Variants in BTBD1 observed in about 807,000 individuals in gnomAD.
The protein encoded by BTBD1 is BTB/POZ domain-containing protein 1.
A neutral mutation model predicts 48.0 loss-of-function variants in BTBD1; 34 were observed. That is an observed-to-expected ratio of 0.71 (90% CI 0.54 to 0.94). The LOEUF (loss-of-function observed/expected upper bound fraction) is 0.94, where lower values mean the gene tolerates loss of function less well. Among genes scored for constraint, BTBD1 ranks in the 40% least tolerant of loss-of-function variants. BTBD1 has a pLI of 0.00. For missense variants in BTBD1, 543 were observed against 625.6 expected, an observed-to-expected ratio of 0.87 and a Z score of 1.41; for synonymous variants, 261 against 242.1, an observed-to-expected ratio of 1.08 and a Z score of -0.72.
At chr15:83,060,875 A>G (rs1227117729) in intron 1 of BTBD1, among the ~76,000 whole-genome samples, 3 of 152,222 alleles carry the variant, frequency 2.0e-5, no homozygotes, top group African/African-American at 7.2e-5. Context: ...ATCACAAGAT[A>G]TGTGTAAGAA....
chr15:83,026,011 C>T (rs1042314940), intron 5 of BTBD1, among the ~76,000 whole-genome samples: 3 of 152,180 alleles, frequency 2.0e-5, no homozygotes, highest in East Asian at 1.9e-4. Context: ...CCTTGTGATC[C>T]GCCCGCCTCA....
chr15:83,043,874 T>C (rs1268948814), intron 3 of BTBD1, among the ~76,000 whole-genome samples: 2 of 152,210 alleles, frequency 1.3e-5, no homozygotes, highest in Admixed American at 1.3e-4. Flanking sequence ...ATAAACGTCA[T>C]GCCTGTACCT....
chr15:83,018,504 A>C (rs1156816782), intron 7 of BTBD1, among the ~76,000 whole-genome samples: 1 of 152,244 alleles, frequency 6.6e-6, no homozygotes, highest in African/African-American at 2.4e-5. Flanking sequence ...ACAAAGGGCT[A>C]CTTCTTAAGA....
At chr15:83,049,246 C>T (rs565435480) in intron 3 of BTBD1, among the ~76,000 whole-genome samples, 6 of 152,210 alleles carry the variant, frequency 3.9e-5, no homozygotes, top group Admixed American at 1.3e-4. Flanking sequence ...GAGGCCATTT[C>T]GACACACCAA....
At chr15:83,044,561 T>C in intron 3 of BTBD1, 4 of 1,598,160 alleles carry the variant, frequency 2.5e-6, no homozygotes, top group Admixed American at 1.7e-5. Flanking sequence ...CACAGTTTTC[T>C]TGTACCCTGG....
chr15:83,021,636 C>A (rs1470021257), intron 5 of BTBD1, among the ~76,000 whole-genome samples: 2 of 152,000 alleles, frequency 1.3e-5, no homozygotes, highest in African/African-American at 4.8e-5. Context: ...CACCTGTAAT[C>A]CCAGCTACTA....
At chr15:83,054,708 C>T (rs1436577470) in intron 2 of BTBD1, among the ~76,000 whole-genome samples, 4 of 151,814 alleles carry the variant, frequency 2.6e-5, no homozygotes, top group African/African-American at 2.4e-5. Context: ...ACTACAGGCA[C>T]GTGCCATCAC....
At chr15:83,039,828 T>C (rs189301679) in intron 4 of BTBD1, among the ~76,000 whole-genome samples, 18 of 134,564 alleles carry the variant, frequency 1.3e-4, no homozygotes, top group East Asian at 6.6e-4. Context: ...CCAAAAAACA[T>C]AGAACTACCA....
rs775222265 is a variant in BTBD1 at position 83,018,032 on chromosome 15, G to A, written c.*35C>T. On this transcript the variant is annotated 3_prime_UTR_variant, in exon 8 of 8. Transcript: ENST00000261721. ...TTATGTTTTTGACACTAGATTGTATGGTATTATTTAGCCAAGATGTATTAT... is the reference window on the plus strand; with the variant it reads ...TTATGTTTTTGACACTAGATTGTATAGTATTATTTAGCCAAGATGTATTAT... 7.0e-7 allele frequency: 1 copy of A among 1,432,836 alleles called. No individual in the cohort carries two copies. Among genetic ancestry groups the A allele is most frequent in the Admixed American group, 2.0e-5 (1 of 49,156 alleles). 88.8% of individuals were successfully genotyped at this position (1,432,836 alleles called of 1,614,324 possible).
intron 1 of BTBD1, among the ~76,000 whole-genome samples, chr15:83,062,561 A>C (rs2033193575): frequency 6.6e-6 from 1 of 152,224 alleles, no homozygotes; most frequent in African/African-American, 2.4e-5. Context: ...CTGAAATTTA[A>C]GTGAGATCAC....
intron 5 of BTBD1, among the ~76,000 whole-genome samples, chr15:83,024,638 T>C (rs1198508453): frequency 1.3e-5 from 2 of 152,148 alleles, no homozygotes; most frequent in Non-Finnish European, 1.5e-5. Flanking sequence ...CTCACCTTTA[T>C]CATATTCTTT....
intron 5 of BTBD1, among the ~76,000 whole-genome samples, chr15:83,021,398 A>C (rs777383986): frequency 2.0e-5 from 3 of 152,226 alleles, no homozygotes; most frequent in Non-Finnish European, 4.4e-5. Context: ...TGGTCATAAT[A>C]GTTAAGAAAT....
intron 5 of BTBD1, among the ~76,000 whole-genome samples, chr15:83,021,749 A>AATAATAATAATG (rs2032301732): frequency 6.7e-6 from 1 of 149,206 alleles, no homozygotes; most frequent in African/African-American, 2.5e-5. Context: ...CTCAAATAAT[A>AATAATAATAATG]ATAATAATAA....
chr15:83,058,217 C>A (rs537392952), intron 1 of BTBD1, among the ~76,000 whole-genome samples: 1 of 152,240 alleles, frequency 6.6e-6, no homozygotes, highest in East Asian at 1.9e-4. Flanking sequence ...AGCTCCGCTG[C>A]GGCTTTGAAA....
intron 5 of BTBD1, among the ~76,000 whole-genome samples, chr15:83,025,625 T>C (rs887635790): frequency 1.3e-5 from 2 of 152,104 alleles, no homozygotes; most frequent in Admixed American, 1.3e-4. Context: ...ATTCAACATA[T>C]ATAGTGATAT....
rs956917514 is a variant in BTBD1 at position 83,050,174 on chromosome 15, C to G, written c.563G>C (p.Arg188Pro). Residue 188 changes from arginine to proline, a missense_variant, in exon 3 of 8, where the codon CGA becomes CCA. Around this residue, in one of 3 missense-constraint regions of BTBD1, gnomAD observed 70 missense variants for 111.7 expected, o/e 0.63. Coordinates refer to ENST00000261721, the MANE Select transcript of BTBD1 (RefSeq NM_025238.4). ...DNAFMLLTQA[R>P]LFDEPQLASL... The stretch of plus-strand genomic sequence containing the variant: ...AGCAAGCTGAGGTTCATCAAATAAT[C>G]GAGCCTAAACATATAAAGAGATAGT... 1 of 1,605,810 alleles carries G rather than the reference C, an allele frequency of 6.2e-7. No homozygotes were observed. The highest frequency in any genetic ancestry group is 8.5e-7 in the Non-Finnish European group (1 of 1,173,760).
intron 2 of BTBD1, among the ~76,000 whole-genome samples, chr15:83,054,563 C>CTTTTTTT (rs1178762435): frequency 7.7e-6 from 1 of 130,426 alleles, no homozygotes; most frequent in Non-Finnish European, 1.6e-5. Flanking sequence ...AACATTTTTT[C>CTTTTTTT]TTTTTTTTTT....
chr15:83,022,856 G>A (rs2032327706), intron 5 of BTBD1, among the ~76,000 whole-genome samples: 1 of 151,846 alleles, frequency 6.6e-6, no homozygotes, highest in African/African-American at 2.4e-5. Flanking sequence ...AGCTACTCAG[G>A]AGGCTGAAGC....
chr15:83,042,484 A>G (rs2032787248), intron 3 of BTBD1, among the ~76,000 whole-genome samples: 1 of 151,370 alleles, frequency 6.6e-6, no homozygotes, highest in South Asian at 2.1e-4. Flanking sequence ...CCTAGGTTCA[A>G]GCAATTCTCC....
Sources: allele counts gnomAD v4.1 joint callset (sites outside exome capture counted in the v4.1 genomes callset), GRCh38; gene constraint gnomAD v4.1.1; regional missense constraint gnomAD v4.1.1; transcripts MANE v1.5; gene names NCBI Gene and HGNC (gene_info 2026-07-23, HGNC 2026-07-21).